LDB2: variants seen among roughly 807,000 people sequenced by gnomAD.
LDB2 encodes the protein LIM domain binding 2.
In LDB2, 12 loss-of-function variants were observed where a neutral mutation model predicts 44.3. The observed-to-expected ratio is 0.27, with a 90% confidence interval of 0.17 to 0.44. The LOEUF is 0.44. Among genes scored for constraint, LDB2 ranks in the 20% least tolerant of loss-of-function variants. The pLI, the probability that LDB2 is intolerant of heterozygous loss-of-function variation, is 1.00. For synonymous variants in LDB2, 164 were observed against 174.8 expected (o/e 0.94, Z 0.49); for missense variants, 344 against 473.5 (o/e 0.73, Z 2.54).
chr4:16,586,887 G>A (rs10446656), intron 4 of LDB2, among the ~76,000 whole-genome samples: 11,388 of 152,090 alleles, frequency 0.075, 504 homozygotes, highest in Non-Finnish European at 0.088. Flanking sequence ...TTGTCTCCAC[G>A]TCTGCCTTCA....
At chr4:16,897,895 A>AATATATAT (rs1174965862) in intron 1 of LDB2, among the ~76,000 whole-genome samples, 35 of 78,160 alleles carry the variant, frequency 4.5e-4, no homozygotes, top group African/African-American at 5.7e-4. Flanking sequence ...TAAAAAAGAA[A>AATATATAT]ATATATATAT....
chr4:16,710,080 T>C (rs1560957260), intron 2 of LDB2, among the ~76,000 whole-genome samples: 5 of 152,218 alleles, frequency 3.3e-5, no homozygotes, highest in Admixed American at 2.6e-4. Flanking sequence ...ATGTGTCATA[T>C]ATAGCTTAAA....
chr4:16,526,856 C>G (rs1728432919), intron 5 of LDB2, among the ~76,000 whole-genome samples: 2 of 152,162 alleles, frequency 1.3e-5, no homozygotes. Context: ...ACCGCAAGAT[C>G]AATTATGTTG....
chr4:16,808,234 T>C (rs907392380), intron 1 of LDB2, among the ~76,000 whole-genome samples: 3 of 152,200 alleles, frequency 2.0e-5, no homozygotes, highest in Non-Finnish European at 2.9e-5. Context: ...GAGCTTCTCA[T>C]TGTCTTTGGA....
At chr4:16,770,953 A>G (rs1173798928) in intron 1 of LDB2, among the ~76,000 whole-genome samples, 1 of 152,146 alleles carries the variant, frequency 6.6e-6, no homozygotes, top group Non-Finnish European at 1.5e-5. Context: ...GAGATGCAGG[A>G]TAATGTCATG....
At chr4:16,673,040 C>G (rs146115608) in intron 2 of LDB2, among the ~76,000 whole-genome samples, 228 of 151,858 alleles carry the variant, frequency 1.5e-3, no homozygotes, top group African/African-American at 5.2e-3. Flanking sequence ...TTCTTCCCCC[C>G]TTACTCCCTC....
chr4:16,740,595 T>G (rs969695321), intron 2 of LDB2, among the ~76,000 whole-genome samples: 1 of 152,258 alleles, frequency 6.6e-6, no homozygotes, highest in Non-Finnish European at 1.5e-5. Context: ...CTCATGCTAA[T>G]GTGATACTTG....
chr4:16,740,693 A>T lies in LDB2; in HGVS notation c.235+18465T>A, dbSNP rs115457849. Among the ~76,000 whole-genome samples, 891 of 152,352 alleles carry T rather than the reference A, an allele frequency of 5.8e-3. 13 individuals carry two copies. The highest frequency in any genetic ancestry group is 0.021 in the African/African-American group (856 of 41,572). The stretch of plus-strand genomic sequence containing the variant: ...CTGTGTTCAGGATGAGATCTAATTC[A>T]TGTATATGAATATACATTTTTCTTC... On this transcript the variant is annotated intron_variant, in intron 2 of 7. Coordinates refer to ENST00000304523, the MANE Select transcript of LDB2 (RefSeq NM_001290.5).
chr4:16,771,927 T>C (rs1410946440), intron 1 of LDB2, among the ~76,000 whole-genome samples: 1 of 152,224 alleles, frequency 6.6e-6, no homozygotes, highest in South Asian at 2.1e-4. Flanking sequence ...TTTTCTATGG[T>C]TCGTCATTGC....
chr4:16,705,275 T>G (rs1432313876), intron 2 of LDB2, among the ~76,000 whole-genome samples: 2 of 152,102 alleles, frequency 1.3e-5, no homozygotes, highest in East Asian at 1.9e-4. Context: ...TTCACATCCA[T>G]GCCCTATGGC....
At chr4:16,759,137 A>G (rs1324821942) in intron 2 of LDB2, 21 bp downstream of exon 2, 4 of 1,557,136 alleles carry the variant, frequency 2.6e-6, no homozygotes, top group Non-Finnish European at 3.5e-6. Flanking sequence ...GTAATATTAG[A>G]AAAATAAACT....
chr4:16,609,439 C>T (rs1725003545), intron 2 of LDB2, among the ~76,000 whole-genome samples: 1 of 152,056 alleles, frequency 6.6e-6, no homozygotes, highest in Non-Finnish European at 1.5e-5. Flanking sequence ...CACTGGGACT[C>T]ACAGCTGCCT....
chr4:16,545,039 C>A (rs143901870), intron 5 of LDB2, among the ~76,000 whole-genome samples: 9 of 151,982 alleles, frequency 5.9e-5, no homozygotes, highest in African/African-American at 2.2e-4. Context: ...TGCCCATACA[C>A]GAAGGGAAGA....
At chr4:16,793,295 C>T (rs978909483) in intron 1 of LDB2, among the ~76,000 whole-genome samples, 23 of 152,110 alleles carry the variant, frequency 1.5e-4, no homozygotes, top group African/African-American at 4.3e-4. Flanking sequence ...AGAACAGCAT[C>T]AAAGCACCCT....
At chr4:16,845,953 C>CA (rs1047432193) in intron 1 of LDB2, among the ~76,000 whole-genome samples, 22 of 151,812 alleles carry the variant, frequency 1.4e-4, no homozygotes, top group African/African-American at 5.1e-4. Context: ...ACCAAAAATA[C>CA]AAAAAATTAG....
intron 1 of LDB2, among the ~76,000 whole-genome samples, chr4:16,797,062 T>G (rs1359498740): frequency 6.6e-6 from 1 of 152,168 alleles, no homozygotes; most frequent in East Asian, 1.9e-4. Flanking sequence ...GTGTGGAGTT[T>G]AGCTAATAAT....
At chr4:16,675,053 G>A (rs16893742) in intron 2 of LDB2, among the ~76,000 whole-genome samples, 7,367 of 152,130 alleles carry the variant, frequency 0.048, 260 homozygotes, top group Admixed American at 0.11. Flanking sequence ...CTGTACCTTC[G>A]CAGTATCTTA....
intron 1 of LDB2, among the ~76,000 whole-genome samples, chr4:16,772,446 C>T (rs1304189439): frequency 6.6e-6 from 1 of 152,204 alleles, no homozygotes; most frequent in Non-Finnish European, 1.5e-5. Flanking sequence ...ACACATTAAT[C>T]TCCCTCTTGA....
At chr4:16,769,970 C>G (rs370624131) in intron 1 of LDB2, among the ~76,000 whole-genome samples, 4 of 152,234 alleles carry the variant, frequency 2.6e-5, no homozygotes, top group Admixed American at 6.5e-5. Context: ...GGTTTTCCCC[C>G]CAAAGACCTG....
Sources: allele counts gnomAD v4.1 joint callset (sites outside exome capture counted in the v4.1 genomes callset), GRCh38; gene constraint gnomAD v4.1.1; transcripts MANE v1.5; gene names NCBI Gene and HGNC (gene_info 2026-07-23, HGNC 2026-07-21).